Variants in LRMDA observed in about 807,000 individuals in gnomAD.
The protein encoded by LRMDA is leucine rich melanocyte differentiation associated.
Under a neutral mutation model 29.8 loss-of-function variants are expected in LRMDA, and 18 were observed. That is an observed-to-expected ratio of 0.60 (90% CI 0.42 to 0.90). The LOEUF (loss-of-function observed/expected upper bound fraction) is 0.90. Ranked by LOEUF, LRMDA falls within the 40% of genes least tolerant of loss-of-function variation. The probability of loss-of-function intolerance (pLI) is 0.00; values close to 1 mark genes in which losing one functional copy is unlikely to be tolerated. For synonymous variants in LRMDA, 125 were observed against 109.4 expected (o/e 1.14, Z -0.89); for missense variants, 273 against 273.9 (o/e 1.00, Z 0.02).
intron 2 of LRMDA, among the ~76,000 whole-genome samples, chr10:75,631,011 A>G (rs548234181): frequency 5.3e-5 from 8 of 152,216 alleles, no homozygotes; most frequent in African/African-American, 1.7e-4. Flanking sequence ...ATGGCTATCA[A>G]TGGCTGTGAC....
At chr10:75,472,361 C>T (rs1467804476) in intron 2 of LRMDA, among the ~76,000 whole-genome samples, 1 of 152,192 alleles carries the variant, frequency 6.6e-6, no homozygotes, top group Admixed American at 6.5e-5. Flanking sequence ...GCTCTTGTCT[C>T]ATTTAATCCT....
intron 6 of LRMDA, among the ~76,000 whole-genome samples, chr10:76,377,204 T>A (rs1381305116): frequency 6.6e-6 from 1 of 152,124 alleles, no homozygotes; most frequent in African/African-American, 2.4e-5. Flanking sequence ...CTTTTGAGAA[T>A]GTCTGTTCAT....
At chr10:76,230,264 G>A (rs1852033975) in intron 5 of LRMDA, among the ~76,000 whole-genome samples, 1 of 152,132 alleles carries the variant, frequency 6.6e-6, no homozygotes, top group South Asian at 2.1e-4. Flanking sequence ...ATTCAAGTTT[G>A]TATCCAGAAT....
chr10:75,760,678 C>G (rs1843084511), intron 2 of LRMDA, among the ~76,000 whole-genome samples: 1 of 152,190 alleles, frequency 6.6e-6, no homozygotes, highest in Non-Finnish European at 1.5e-5. Context: ...TCTCTCTCCT[C>G]ACTGCAGGCA....
chr10:76,556,587 T>TCGGCC (rs1489405802), intron 6 of LRMDA: 6 of 152,306 alleles, frequency 3.9e-5, no homozygotes, highest in African/African-American at 1.4e-4. Context: ...TCTCCTGACC[T>TCGGCC]TGTGATCCAC....
chr10:76,456,083 C>G (rs897140836), intron 6 of LRMDA, among the ~76,000 whole-genome samples: 3 of 152,122 alleles, frequency 2.0e-5, no homozygotes, highest in African/African-American at 7.2e-5. Context: ...GAGAACATCC[C>G]CTTGCATAGC....
At chr10:76,153,506 G>A (rs1463779656) in intron 5 of LRMDA, among the ~76,000 whole-genome samples, 1 of 152,142 alleles carries the variant, frequency 6.6e-6, no homozygotes, top group Non-Finnish European at 1.5e-5. Flanking sequence ...GTGAGGTAGG[G>A]TGGGTCCAAA....
At chr10:75,911,855 C>T (rs745752041) in intron 2 of LRMDA, among the ~76,000 whole-genome samples, 4 of 152,168 alleles carry the variant, frequency 2.6e-5, no homozygotes, top group Admixed American at 6.5e-5. Flanking sequence ...CTGAATAAGT[C>T]CATGCTGTCT....
chr10:75,592,600 A>C (rs564971237), intron 2 of LRMDA, among the ~76,000 whole-genome samples: 1 of 152,216 alleles, frequency 6.6e-6, no homozygotes, highest in Non-Finnish European at 1.5e-5. Flanking sequence ...ACCACCAAGC[A>C]GCACTGGGCA....
intron 5 of LRMDA, among the ~76,000 whole-genome samples, chr10:76,085,620 C>A (rs1440808474): frequency 1.3e-5 from 2 of 152,130 alleles, no homozygotes; most frequent in Non-Finnish European, 2.9e-5. Flanking sequence ...TTACCCTGAC[C>A]CTGTGTCCTT....
intron 6 of LRMDA, among the ~76,000 whole-genome samples, chr10:76,506,582 C>A (rs1343702323): frequency 6.6e-6 from 1 of 152,086 alleles, no homozygotes; most frequent in Non-Finnish European, 1.5e-5. Flanking sequence ...TTCTTTCTCA[C>A]TGTATTTTTG....
At chr10:76,230,529 A>T (rs924686672) in intron 5 of LRMDA, among the ~76,000 whole-genome samples, 10 of 147,228 alleles carry the variant, frequency 6.8e-5, no homozygotes, top group African/African-American at 2.5e-4. Flanking sequence ...AACTAGCATG[A>T]TTTTATTTTT....
chr10:75,515,139 A>G (rs1034150631), intron 2 of LRMDA, among the ~76,000 whole-genome samples: 8 of 152,352 alleles, frequency 5.3e-5, no homozygotes, highest in Non-Finnish European at 4.4e-5. Flanking sequence ...CACGTATTTT[A>G]TGATTCCATT....
chr10:75,780,299 C>G (rs900205954), intron 2 of LRMDA, among the ~76,000 whole-genome samples: 3 of 152,184 alleles, frequency 2.0e-5, no homozygotes, highest in Non-Finnish European at 4.4e-5. Flanking sequence ...GCTATATTGA[C>G]TAGAACTCAA....
chr10:75,797,226 T>TAA (rs1457127115), intron 2 of LRMDA, among the ~76,000 whole-genome samples: 4 of 152,178 alleles, frequency 2.6e-5, no homozygotes, highest in Non-Finnish European at 5.9e-5. Context: ...TTTGTTTACC[T>TAA]AAATTTTTGA....
intron 6 of LRMDA, among the ~76,000 whole-genome samples, chr10:76,328,620 A>G (rs10509368): frequency 0.15 from 22,541 of 152,160 alleles, 2,884 homozygotes; most frequent in African/African-American, 0.34. Context: ...AGGAAGAGTC[A>G]AAAAAGTAGA....
chr10:75,998,850 C>T (rs1847515751), intron 2 of LRMDA, among the ~76,000 whole-genome samples: 2 of 152,166 alleles, frequency 1.3e-5, no homozygotes, highest in African/African-American at 4.8e-5. Flanking sequence ...TAATGTATTG[C>T]AGAGCAGGCA....
intron 6 of LRMDA, among the ~76,000 whole-genome samples, chr10:76,371,838 T>C (rs1841458390): frequency 1.3e-5 from 2 of 152,190 alleles, no homozygotes; most frequent in African/African-American, 4.8e-5. Context: ...CTTTCTTCTC[T>C]GAAAGCTGTT....
intron 5 of LRMDA, among the ~76,000 whole-genome samples, chr10:76,105,057 C>T (rs1849458476): frequency 6.6e-6 from 1 of 152,168 alleles, no homozygotes. Flanking sequence ...CTATGAGCCT[C>T]ACCCAAACCA....
Sources: gnomAD v4.1 joint callset for allele counts (sites outside exome capture counted in the v4.1 genomes callset) on GRCh38, gnomAD v4.1.1 for gene constraint, MANE v1.5 for transcripts, NCBI Gene and HGNC (gene_info 2026-07-23, HGNC 2026-07-21) for gene names.